The following CTNND2 variants were observed in gnomAD, a reference collection of about 807,000 sequenced individuals.
CTNND2 encodes the protein catenin delta-2.
Under a neutral mutation model 144.4 loss-of-function variants are expected in CTNND2, and 22 were observed. The ratio of observed to expected loss-of-function variants is 0.15; its 90% CI spans 0.11 to 0.22. The LOEUF is 0.22. Ranked by LOEUF, CTNND2 falls within the 10% of genes least tolerant of loss-of-function variation. The probability of loss-of-function intolerance (pLI) is 1.00; values close to 1 mark genes in which losing one functional copy is unlikely to be tolerated. For synonymous variants in CTNND2, 751 were observed against 695.6 expected, an observed-to-expected ratio of 1.08 and a Z score of -1.25; for missense variants, 1,353 against 1,618.8, an observed-to-expected ratio of 0.84 and a Z score of 2.82.
At position 10,973,468 on chromosome 5, in the gene CTNND2, G is replaced by GGGGGAGGCC; in HGVS notation, c.3654_3662dup (p.Ala1219_Pro1221dup). On this transcript the variant is annotated inframe_insertion, in exon 22 of 22. Coordinates refer to ENST00000304623, the MANE Select transcript of CTNND2 (RefSeq NM_001332.4). This position sits in a 1 kb window ranked among gnomAD's most constrained non-coding sequence, Gnocchi z 5.6. ...GCCCTGCTCCTCACACCCAGGAGTCGGGGGAGGCCGGGTAGTGGCTCGTTT... is the reference window on the plus strand; with the variant it reads ...GCCCTGCTCCTCACACCCAGGAGTCGGGGGAGGCCGGGGAGGCCGGGTAGTGGCTCGTTT... 3 of 1,596,320 alleles carry GGGGGAGGCC rather than the reference G, an allele frequency of 1.9e-6. No homozygotes were observed. The highest frequency in any genetic ancestry group is 2.6e-6 in the Non-Finnish European group (3 of 1,168,712).
At chr5:11,579,446 C>G (rs1369634052) in intron 2 of CTNND2, among the ~76,000 whole-genome samples, 1 of 152,056 alleles carries the variant, frequency 6.6e-6, no homozygotes, top group Admixed American at 6.6e-5. Flanking sequence ...GAATAGTGTA[C>G]CAGATGCTCT....
At chr5:11,882,920 ATAT>A (rs1335850836) in intron 1 of CTNND2, among the ~76,000 whole-genome samples, 5 of 152,148 alleles carry the variant, frequency 3.3e-5, no homozygotes, top group Non-Finnish European at 7.4e-5. Context: ...TAATTTTAAC[ATAT>A]TAATTATTCC....
intron 2 of CTNND2, among the ~76,000 whole-genome samples, chr5:11,626,774 T>C (rs912319023): frequency 5.9e-5 from 9 of 152,198 alleles, no homozygotes; most frequent in Non-Finnish European, 1.2e-4. Flanking sequence ...ATACAAAGCA[T>C]TAAACTTCAC....
At chr5:11,325,124 T>A (rs1213843311) in intron 9 of CTNND2, among the ~76,000 whole-genome samples, 2 of 152,142 alleles carry the variant, frequency 1.3e-5, no homozygotes, top group Non-Finnish European at 2.9e-5. Flanking sequence ...GTTTCAGAAG[T>A]TTTATTTTCC....
At chr5:11,057,901 T>G (rs2149590760) in intron 16 of CTNND2, among the ~76,000 whole-genome samples, 2 of 152,266 alleles carry the variant, frequency 1.3e-5, no homozygotes, top group South Asian at 4.2e-4. Flanking sequence ...CTTGTTATAT[T>G]TTAAAAAAGA....
At chr5:11,722,218 A>T (rs1786728194) in intron 2 of CTNND2, among the ~76,000 whole-genome samples, 1 of 152,232 alleles carries the variant, frequency 6.6e-6, no homozygotes, top group African/African-American at 2.4e-5. Flanking sequence ...GCTGAAAAGT[A>T]AACCCTCACA....
chr5:11,358,091 G>A (rs116312060), intron 8 of CTNND2, among the ~76,000 whole-genome samples: 2,077 of 152,250 alleles, frequency 0.014, 38 homozygotes, highest in African/African-American at 0.048. Context: ...GCTTAATGAT[G>A]TAATTCCACG....
At chr5:11,576,319 C>T (rs1255733253) in intron 2 of CTNND2, among the ~76,000 whole-genome samples, 1 of 151,098 alleles carries the variant, frequency 6.6e-6, no homozygotes, top group East Asian at 1.9e-4. Flanking sequence ...TTTAGTGAAT[C>T]CTAATTTCCA....
At chr5:11,377,222 T>C (rs1758026657) in intron 7 of CTNND2, among the ~76,000 whole-genome samples, 1 of 152,066 alleles carries the variant, frequency 6.6e-6, no homozygotes. Flanking sequence ...GGCTAATTTT[T>C]TTTTTGTATT....
chr5:11,195,580 G>T (rs61751800), intron 11 of CTNND2, among the ~76,000 whole-genome samples: 3 of 152,196 alleles, frequency 2.0e-5, no homozygotes, highest in Non-Finnish European at 4.4e-5. Flanking sequence ...AAAAGGAAAG[G>T]CCATCTGGAT....
At chr5:11,857,787 A>T (rs116315847) in intron 1 of CTNND2, among the ~76,000 whole-genome samples, 1 of 152,168 alleles carries the variant, frequency 6.6e-6, no homozygotes. Flanking sequence ...TCTGCTCTAC[A>T]ATGTGTTTTG....
chr5:11,722,112 T>C (rs978185456), intron 2 of CTNND2, among the ~76,000 whole-genome samples: 1 of 152,230 alleles, frequency 6.6e-6, no homozygotes, highest in Admixed American at 6.5e-5. Flanking sequence ...CCTGTGTTGA[T>C]GAAAAATATA....
intron 16 of CTNND2, among the ~76,000 whole-genome samples, chr5:11,055,248 G>T (rs865795669): frequency 3.9e-5 from 6 of 152,182 alleles, no homozygotes; most frequent in African/African-American, 1.2e-4. Context: ...TGGCATAAAG[G>T]TTACTTTAAA....
chr5:11,898,567 TCCC>T (rs1737593617), intron 1 of CTNND2, among the ~76,000 whole-genome samples: 1 of 152,134 alleles, frequency 6.6e-6, no homozygotes, highest in Non-Finnish European at 1.5e-5. Flanking sequence ...AATTAATTGT[TCCC>T]CCATCATCTA....
At chr5:11,631,778 C>A (rs963360203) in intron 2 of CTNND2, among the ~76,000 whole-genome samples, 1 of 152,140 alleles carries the variant, frequency 6.6e-6, no homozygotes, top group South Asian at 2.1e-4. Flanking sequence ...CTCTGATTGG[C>A]CTTGCCCCAG....
chr5:11,220,012 G>A (rs1466887724), intron 10 of CTNND2, among the ~76,000 whole-genome samples: 1 of 152,148 alleles, frequency 6.6e-6, no homozygotes. Context: ...AGCTCTGTAA[G>A]ACAACTGAAG....
intron 2 of CTNND2, among the ~76,000 whole-genome samples, chr5:11,663,361 C>T (rs1783384699): frequency 6.6e-6 from 1 of 152,102 alleles, no homozygotes; most frequent in Admixed American, 6.5e-5. Context: ...TATCTGCAAT[C>T]AACATTTTAA....
At chr5:11,326,911 A>G (rs1375961916) in intron 9 of CTNND2, among the ~76,000 whole-genome samples, 3 of 152,184 alleles carry the variant, frequency 2.0e-5, no homozygotes, top group African/African-American at 7.2e-5. Flanking sequence ...TCTAAGTTTC[A>G]AGGTGATGCA....
chr5:11,494,629 A>G (rs1266232062), intron 3 of CTNND2, among the ~76,000 whole-genome samples: 1 of 152,200 alleles, frequency 6.6e-6, no homozygotes, highest in East Asian at 1.9e-4. Context: ...GAGAATAATA[A>G]GCAATTCCAT....
Sources: gnomAD v4.1 joint callset for allele counts (sites outside exome capture counted in the v4.1 genomes callset) on GRCh38, gnomAD v4.1.1 for gene constraint, Gnocchi (gnomAD v3.1) non-coding constraint, MANE v1.5 for transcripts, NCBI Gene and HGNC (gene_info 2026-07-23, HGNC 2026-07-21) for gene names.